Variants in NRXN3 observed in about 807,000 individuals in gnomAD.
The protein encoded by NRXN3 is neurexin 3, also known as neurexin III.
Under a neutral mutation model 137.6 loss-of-function variants are expected in NRXN3, and 32 were observed. That is an observed-to-expected ratio of 0.23 (90% CI 0.18 to 0.31). The LOEUF (loss-of-function observed/expected upper bound fraction) is 0.31. Ranked by LOEUF, NRXN3 falls within the 10% of genes least tolerant of loss-of-function variation. The pLI is 1.00. For missense variants in NRXN3, 1,574 were observed against 2,062.5 expected (o/e 0.76, Z 4.59); for synonymous variants, 798 against 784.5 (o/e 1.02, Z -0.29).
At chr14:78,966,845 C>T (rs2099418352) in intron 12 of NRXN3, among the ~76,000 whole-genome samples, 1 of 152,116 alleles carries the variant, frequency 6.6e-6, no homozygotes. Context: ...CATTTTACTA[C>T]CATGTATTAG....
intron 10 of NRXN3, among the ~76,000 whole-genome samples, chr14:78,862,225 C>G (rs1449982763): frequency 6.7e-6 from 1 of 149,946 alleles, no homozygotes; most frequent in Non-Finnish European, 1.5e-5. Context: ...ATATCTATAA[C>G]AAGATTGTTA....
At chr14:79,466,576 A>C (rs1288001409) in intron 15 of NRXN3, among the ~76,000 whole-genome samples, 1 of 152,034 alleles carries the variant, frequency 6.6e-6, no homozygotes, top group African/African-American at 2.4e-5. Context: ...CAACAGAGAG[A>C]GACTCCATCT....
intron 15 of NRXN3, among the ~76,000 whole-genome samples, chr14:79,439,226 A>C (rs532514679): frequency 6.6e-6 from 1 of 152,260 alleles, no homozygotes; most frequent in Non-Finnish European, 1.5e-5. Context: ...TTCAATTGAC[A>C]TTGTACTTAC....
chr14:79,111,397 C>G (rs2152884986), intron 15 of NRXN3, among the ~76,000 whole-genome samples: 1 of 152,276 alleles, frequency 6.6e-6, no homozygotes, highest in African/African-American at 2.4e-5. Context: ...GCTGCTAGTG[C>G]TAGCTGCACA....
At chr14:79,692,312 C>A in intron 18 of NRXN3, 50 bp downstream of exon 18, 1 of 1,347,770 alleles carries the variant, frequency 7.4e-7, no homozygotes, top group African/African-American at 1.5e-5. Context: ...CCTAAACCCT[C>A]ATTTTTAAAG....
chr14:78,407,370 T>C (rs761415889), intron 4 of NRXN3, among the ~76,000 whole-genome samples: 1 of 152,134 alleles, frequency 6.6e-6, no homozygotes, highest in Non-Finnish European at 1.5e-5. Flanking sequence ...TATCAAGGTG[T>C]TTTTGTTGTT....
intron 15 of NRXN3, among the ~76,000 whole-genome samples, chr14:79,261,442 GATTTAT>G (rs1490731416): frequency 6.6e-6 from 1 of 152,086 alleles, no homozygotes; most frequent in Non-Finnish European, 1.5e-5. Flanking sequence ...GAGAAGGAGA[GATTTAT>G]CCTGACTTGA....
intron 10 of NRXN3, among the ~76,000 whole-genome samples, chr14:78,924,941 G>T (rs541093365): frequency 6.6e-6 from 1 of 152,166 alleles, no homozygotes; most frequent in African/African-American, 2.4e-5. Context: ...GCACCCTTCC[G>T]AAAGAGTTCA....
chr14:79,831,957 T>C (rs1251013442), intron 20 of NRXN3, among the ~76,000 whole-genome samples: 2 of 152,126 alleles, frequency 1.3e-5, no homozygotes. Flanking sequence ...CATAATACTT[T>C]AGTATTTAAC....
At chr14:78,437,169 G>A (rs1344917805) in intron 4 of NRXN3, among the ~76,000 whole-genome samples, 1 of 152,084 alleles carries the variant, frequency 6.6e-6, no homozygotes, top group African/African-American at 2.4e-5. Flanking sequence ...TGAAGGTATT[G>A]TTATTATTAC....
intron 16 of NRXN3, among the ~76,000 whole-genome samples, chr14:79,623,454 G>A (rs147461784): frequency 8.5e-5 from 13 of 152,256 alleles, no homozygotes; most frequent in African/African-American, 3.1e-4. Context: ...TCTACTTGGA[G>A]AGAAAAAAGA....
At position 79,862,410 on chromosome 14, in the gene NRXN3, T is replaced by C. The variant is rs2099415043; in HGVS notation, c.*446T>C. 6.6e-6 allele frequency: 1 copy of C among 152,636 alleles called. No individual in the cohort carries two copies. The highest frequency in any genetic ancestry group is 6.6e-5 in the Admixed American group (1 of 15,230). 9.5% of individuals were successfully genotyped at this position (152,636 alleles called of 1,614,324 possible). On this transcript the variant is annotated 3_prime_UTR_variant, in exon 21 of 21. Coordinates refer to ENST00000335750, the MANE Select transcript of NRXN3 (RefSeq NM_001330195.2). Reference sequence around the variant, plus strand: ...CTGTAACCATGTTTTTTCTGTTTAATTATGTAAAAAACAAAACTACAACAA... The same window carrying C: ...CTGTAACCATGTTTTTTCTGTTTAACTATGTAAAAAACAAAACTACAACAA...
chr14:78,175,524 C>T (rs143750289), intron 1 of NRXN3, among the ~76,000 whole-genome samples: 9 of 150,970 alleles, frequency 6.0e-5, no homozygotes, highest in Non-Finnish European at 8.8e-5. Context: ...TGCTGTGGTC[C>T]GGTTCCTGCT....
In NRXN3 at chr14:79,707,389, G is replaced by A. The variant is rs563692145; in HGVS notation, c.4014+9452G>A. Among the ~76,000 whole-genome samples, 153 of 152,264 alleles carry A rather than the reference G, an allele frequency of 1.0e-3. No homozygotes were observed. The Middle Eastern group carries it at 0.014, about 14-fold the overall frequency. On this transcript the variant is annotated intron_variant, in intron 19 of 20. Transcript: ENST00000335750. ...GTACGGAGGAAAGTGCATTGAAGCA[G>A]GCATCAGGAGACTTAGCTCATGACT...
chr14:78,255,845 C>T (rs1348257532), intron 2 of NRXN3, among the ~76,000 whole-genome samples: 1 of 152,146 alleles, frequency 6.6e-6, no homozygotes, highest in Non-Finnish European at 1.5e-5. Context: ...CCTGTGCTCC[C>T]TAATGTGTGG....
chr14:79,130,236 T>G (rs1423930183), intron 15 of NRXN3, among the ~76,000 whole-genome samples: 9 of 152,240 alleles, frequency 5.9e-5, no homozygotes, highest in Non-Finnish European at 1.2e-4. Flanking sequence ...GTTAGCTCGT[T>G]ATTTTGTTCA....
At chr14:79,159,046 T>C (rs919353965) in intron 15 of NRXN3, among the ~76,000 whole-genome samples, 3 of 151,888 alleles carry the variant, frequency 2.0e-5, no homozygotes, top group African/African-American at 7.2e-5. Context: ...TTTTTGTTTG[T>C]GGTTTGCAAA....
At position 79,398,374 on chromosome 14, in the gene NRXN3, G is replaced by C. The variant is rs150850301; in HGVS notation, c.3263-68847G>C. On this transcript the variant is annotated intron_variant, in intron 15 of 20. Coordinates refer to ENST00000335750, the MANE Select transcript of NRXN3 (RefSeq NM_001330195.2). ...AACTGAGCAATGAATTTATAGAGGA[G>C]GACTTGAATAAATTGTTTCAAAAAT... is the stretch of plus-strand genomic sequence containing the variant. Among the ~76,000 whole-genome samples, 370 of 152,196 alleles carry C rather than the reference G, an allele frequency of 2.4e-3. 1 individual carries two copies. The highest frequency in any genetic ancestry group is 3.2e-3 in the Non-Finnish European group (215 of 68,006).
At chr14:79,105,794 G>A (rs1568304301) in intron 15 of NRXN3, among the ~76,000 whole-genome samples, 2 of 152,126 alleles carry the variant, frequency 1.3e-5, no homozygotes, top group African/African-American at 4.8e-5. Flanking sequence ...CAAAGGTACT[G>A]GGCCTGGGGC....
Sources: gnomAD v4.1 joint callset for allele counts (sites outside exome capture counted in the v4.1 genomes callset) on GRCh38, gnomAD v4.1.1 for gene constraint, MANE v1.5 for transcripts, NCBI Gene and HGNC (gene_info 2026-07-23, HGNC 2026-07-21) for gene names.